SF3B4: variants seen among roughly 807,000 people sequenced by gnomAD.
The protein encoded by SF3B4 is splicing factor 3b subunit 4.
In SF3B4, 3 loss-of-function variants were observed where a neutral mutation model predicts 34.3. The ratio of observed to expected loss-of-function variants is 0.09; its 90% CI spans 0.04 to 0.23. The LOEUF is 0.23. SF3B4 is among the 10% of genes least tolerant of loss of function. The pLI is 1.00. For synonymous variants in SF3B4, 216 were observed against 207.8 expected (o/e 1.04, Z -0.34); for missense variants, 283 against 567.2 (o/e 0.50, Z 5.09).
chr1:149,927,475 T>A (rs2092597755), intron 1 of SF3B4, 181 bp from the exon 2 acceptor site: 3 of 777,750 alleles, frequency 3.9e-6, no homozygotes, highest in Non-Finnish European at 6.0e-6. Context: ...TCCTCTGAAG[T>A]CTAATTTAGT....
In SF3B4 at chr1:149,927,777, C is replaced by A. The variant is rs1212658294; in HGVS notation, c.-18G>T. ...GCAGCCATGGCGAAAGAGATCCCGC[C>A]GTCTCCCAGCAGCGGTTCCGCCTTC... On this transcript the variant is annotated 5_prime_UTR_variant, in exon 1 of 6. Coordinates refer to ENST00000271628, the MANE Select transcript of SF3B4 (RefSeq NM_005850.5). 4.5e-6 allele frequency: 7 copies of A among 1,551,956 alleles called. No homozygotes were observed. The highest frequency in any genetic ancestry group is 4.9e-5 in the East Asian group (2 of 40,948).
Position 149,927,708 on chromosome 1 carries a change from C to T in SF3B4, c.34+18G>A. ...CTAGCCACGCTGAGCCCATTCCAGA[C>T]TTTCCCCCTCCAGTTACCCTGATTC... On this transcript the variant is annotated intron_variant, in intron 1 of 5. Transcript: ENST00000271628. 1.3e-6 allele frequency: 2 copies of T among 1,552,586 alleles called. No individual in the cohort carries two copies. Among genetic ancestry groups the T allele is most frequent in the Non-Finnish European group, 1.7e-6 (2 of 1,147,454 alleles).
rs1214468728 is a variant in SF3B4 at position 149,923,412 on chromosome 1, A to C, written c.*130T>G. 3 of 665,074 alleles carry C rather than the reference A, an allele frequency of 4.5e-6. No homozygotes were observed. The highest frequency in any genetic ancestry group is 7.4e-6 in the Non-Finnish European group (3 of 406,424). The allele number at this position is 665,074 out of a possible 1,614,324, so 41.2% of individuals were successfully genotyped here. Reference sequence around the variant, plus strand: ...ACCTCCTGTGGAAAAAGTTACATTAAAAAGGGGAATGGAGTGGGGGTGCTG... The same window carrying C: ...ACCTCCTGTGGAAAAAGTTACATTACAAAGGGGAATGGAGTGGGGGTGCTG... On this transcript the variant is annotated 3_prime_UTR_variant, in exon 6 of 6. Coordinates refer to ENST00000271628, the MANE Select transcript of SF3B4 (RefSeq NM_005850.5).
intron 4 of SF3B4, 100 bp from the exon 5 acceptor site, chr1:149,924,114 A>G: frequency 9.6e-7 from 1 of 1,039,060 alleles, no homozygotes. Flanking sequence ...AAGTGACATC[A>G]GAAAGAGAAC....
intron 4 of SF3B4, among the ~76,000 whole-genome samples, chr1:149,925,356 G>A (rs2092583055): frequency 6.6e-6 from 1 of 152,116 alleles, no homozygotes; most frequent in African/African-American, 2.4e-5. Flanking sequence ...ATGCAGAAAA[G>A]AGAAACAAGC....
At chr1:149,925,436 T>C (rs1571525171) in intron 4 of SF3B4, among the ~76,000 whole-genome samples, 1 of 142,760 alleles carries the variant, frequency 7.0e-6, no homozygotes, top group South Asian at 2.3e-4. Context: ...GAGAGAGGGG[T>C]GGAGGATCTA....
At chr1:149,927,594 G>T in intron 1 of SF3B4, 132 bp downstream of exon 1, 1 of 1,227,322 alleles carries the variant, frequency 8.1e-7, no homozygotes, top group Non-Finnish European at 1.1e-6. Flanking sequence ...GCCCCCAACA[G>T]GCAGAGGGCC....
At position 149,926,166 on chromosome 1, in the gene SF3B4, A is replaced by C; in HGVS notation, c.707-124T>G. 1.4e-6 allele frequency: 1 copy of C among 695,856 alleles called. No homozygotes were observed. The highest frequency in any genetic ancestry group is 3.2e-5 in the Admixed American group (1 of 31,618). 43.1% of individuals were successfully genotyped at this position (695,856 alleles called of 1,614,324 possible). On this transcript the variant is annotated intron_variant, in intron 3 of 5. Coordinates refer to ENST00000271628, the MANE Select transcript of SF3B4 (RefSeq NM_005850.5). The surrounding 1 kb of genome is among the most constrained non-coding windows in gnomAD (Gnocchi z 6.2). ...TTTCCCCCTCCTCCCAGTGCTCTAA[A>C]ATCAAAAGCAATGTTAGAAAAGTCA...
chr1:149,927,767 G>C lies in SF3B4; in HGVS notation c.-8C>G, dbSNP rs200662306. 56 of 1,552,648 alleles carry C rather than the reference G, an allele frequency of 3.6e-5. No homozygotes were observed. Among genetic ancestry groups the C allele is most frequent in the Non-Finnish European group, 4.9e-5 (56 of 1,147,638 alleles). On this transcript the variant is annotated 5_prime_UTR_variant, in exon 1 of 6. Transcript: ENST00000271628. ...GATCGGCCCGGCAGCCATGGCGAAA[G>C]AGATCCCGCCGTCTCCCAGCAGCGG...
intron 5 of SF3B4, 29 bp downstream of exon 5, chr1:149,923,812 G>C (rs1553765636): frequency 6.4e-7 from 1 of 1,565,468 alleles, no homozygotes. Flanking sequence ...GATAAGTGCA[G>C]ATGAGGGAGG....
intron 4 of SF3B4, among the ~76,000 whole-genome samples, chr1:149,925,130 G>T (rs2092581673): frequency 2.0e-5 from 3 of 152,122 alleles, no homozygotes; most frequent in Admixed American, 2.0e-4. Flanking sequence ...TATTAAGAGT[G>T]GGGTGATAGG....
chr1:149,923,764 G>A (rs2092569935), intron 5 of SF3B4, 35 bp from the exon 6 acceptor site: 11 of 1,512,010 alleles, frequency 7.3e-6, no homozygotes, highest in African/African-American at 5.7e-5. Flanking sequence ...GTAAGGGCAC[G>A]GGACAAGGGG....
At chr1:149,925,771 G>C in intron 4 of SF3B4, 65 bp downstream of exon 4, 1 of 1,184,954 alleles carries the variant, frequency 8.4e-7, no homozygotes, top group Non-Finnish European at 1.3e-6. Flanking sequence ...AAGGGCAGCA[G>C]GGTGAGTGGT....
chr1:149,923,483 T>C lies in SF3B4; in HGVS notation c.*59A>G, dbSNP rs2092567782. Reference sequence around the variant, plus strand: ...CCCAAGGAGCTACAGCATCTCTGATTGGTCCAAGGAATAGAAAAGATATTG... The same window carrying C: ...CCCAAGGAGCTACAGCATCTCTGATCGGTCCAAGGAATAGAAAAGATATTG... On this transcript the variant is annotated 3_prime_UTR_variant, in exon 6 of 6. Transcript: ENST00000271628. The C allele has an allele frequency of 5.1e-6, 7 of 1,359,596 alleles. No individual in the cohort carries two copies. The allele number at this position is 1,359,596 out of a possible 1,614,324, so 84.2% of individuals were successfully genotyped here. A position where few individuals can be genotyped will look rare whatever the true frequency, so the allele number is the denominator to read the frequency against.
intron 4 of SF3B4, among the ~76,000 whole-genome samples, chr1:149,925,331 T>G (rs1009403690): frequency 6.6e-6 from 1 of 151,886 alleles, no homozygotes; most frequent in Middle Eastern, 3.2e-3. Flanking sequence ...TATACCCAAT[T>G]AAAACTATAG....
Position 149,925,931 on chromosome 1 carries a change from T to C in SF3B4, c.818A>G (p.His273Arg), listed in dbSNP as rs1553765954. The C allele has an allele frequency of 1.4e-5, 22 of 1,573,940 alleles. No individual in the cohort carries two copies. The highest frequency in any genetic ancestry group is 1.8e-5 in the Non-Finnish European group (21 of 1,157,090). ...TGGGGTTCCTGCCGATGGGGGGCCA[T>C]GTCCTGCAGCCCCAGGAGGCATAGG... ...PPPMPPGAAG[H>R]GPPSAGTPGA... is the part of the protein sequence containing the mutation. Residue 273 changes from histidine to arginine, a missense_variant, in exon 4 of 6, where the codon CAT (histidine) becomes CGT (arginine). By Grantham distance (29) the His-to-Arg change is conservative. This residue lies in a region of SF3B4 where 208 missense variants were observed against 292.6 expected (regional missense o/e 0.71). Coordinates refer to ENST00000271628, the MANE Select transcript of SF3B4 (RefSeq NM_005850.5).
At position 149,923,482 on chromosome 1, in the gene SF3B4, T is replaced by C. The variant is rs587610611; in HGVS notation, c.*60A>G. 1.8e-4 allele frequency: 237 copies of C among 1,353,860 alleles called. 1 individual carries two copies. The African/African-American group carries it at 2.7e-3, about 16-fold the overall frequency. The allele number at this position is 1,353,860 out of a possible 1,614,324, so 83.9% of individuals were successfully genotyped here. A position where few individuals can be genotyped will look rare whatever the true frequency, so the allele number is the denominator to read the frequency against. ...CCCCAAGGAGCTACAGCATCTCTGA[T>C]TGGTCCAAGGAATAGAAAAGATATT... On this transcript the variant is annotated 3_prime_UTR_variant, in exon 6 of 6. Coordinates refer to ENST00000271628, the MANE Select transcript of SF3B4 (RefSeq NM_005850.5).
At chr1:149,923,751 T>G in intron 5 of SF3B4, 22 bp from the exon 6 acceptor site, 1 of 1,507,576 alleles carries the variant, frequency 6.6e-7, no homozygotes, top group African/African-American at 1.4e-5. Flanking sequence ...AAAAGAAAAG[T>G]TAGTAAGGGC....
rs781851440 is a variant in SF3B4 at position 149,927,301 on chromosome 1, G to A, written c.35-7C>T. 6.2e-6 allele frequency: 10 copies of A among 1,613,148 alleles called. No homozygotes were observed. The African/African-American group carries it at 1.1e-4, about 17-fold the overall frequency. ...CCCACGTACACAGTGGCATCTTGAA[G>A]GGAGGGAGCAAAAAGAGCAAGCGTG... On this transcript the variant is annotated splice_region_variant and splice_polypyrimidine_tract_variant and intron_variant, in intron 1 of 5. Coordinates refer to ENST00000271628, the MANE Select transcript of SF3B4 (RefSeq NM_005850.5).
Sources: allele counts gnomAD v4.1 joint callset (sites outside exome capture counted in the v4.1 genomes callset), GRCh38; gene constraint gnomAD v4.1.1; regional missense constraint gnomAD v4.1.1; non-coding constraint Gnocchi (gnomAD v3.1); transcripts MANE v1.5; gene names NCBI Gene and HGNC (gene_info 2026-07-23, HGNC 2026-07-21).